TMEM175: variants seen among roughly 807,000 people sequenced by gnomAD.
TMEM175 encodes the protein transmembrane protein 175, also known as endosomal/lysosomal proton channel TMEM175.
Under a neutral mutation model 36.5 loss-of-function variants are expected in TMEM175, and 36 were observed. That is an observed-to-expected ratio of 0.99 (90% CI 0.76 to 1.30). The LOEUF (loss-of-function observed/expected upper bound fraction) is 1.30. TMEM175 is among the 50% of genes most tolerant of loss of function. TMEM175 has a pLI of 0.00. For missense variants in TMEM175, 705 were observed against 692.8 expected, an observed-to-expected ratio of 1.02 and a Z score of -0.20; for synonymous variants, 339 against 313.4, an observed-to-expected ratio of 1.08 and a Z score of -0.86.
At chr4:938,072 C>T (rs1036597085) in intron 1 of TMEM175, among the ~76,000 whole-genome samples, 21 of 151,900 alleles carry the variant, frequency 1.4e-4, no homozygotes, top group Admixed American at 7.9e-4. Flanking sequence ...GAAAAACCTG[C>T]AGCTAGCATC....
chr4:948,417 A>T, intron 3 of TMEM175: 1 of 1,516,838 alleles, frequency 6.6e-7, no homozygotes. Context: ...TCAGTGGACA[A>T]AGGCAGCACC....
intron 1 of TMEM175, among the ~76,000 whole-genome samples, chr4:943,109 T>C (rs1313783990): frequency 6.6e-6 from 1 of 152,138 alleles, no homozygotes; most frequent in Non-Finnish European, 1.5e-5. Context: ...AAGCAAAGAT[T>C]CTAAGACACT....
In TMEM175 at chr4:958,582, C is replaced by A; in HGVS notation, c.*86C>A. On this transcript the variant is annotated 3_prime_UTR_variant, in exon 11 of 11. Transcript: ENST00000264771. Reference sequence around the variant, plus strand: ...TGGGCAGGGGAAGCCAAGTCACGGGCAGGCCGCAGTGGTTCTTGCGTGGCC... The same window carrying A: ...TGGGCAGGGGAAGCCAAGTCACGGGAAGGCCGCAGTGGTTCTTGCGTGGCC... 1 of 1,162,348 alleles carries A rather than the reference C, an allele frequency of 8.6e-7. No individual in the cohort carries two copies. Among genetic ancestry groups the A allele is most frequent in the Non-Finnish European group, 1.2e-6 (1 of 850,736 alleles). 72.0% of individuals were successfully genotyped at this position (1,162,348 alleles called of 1,614,324 possible). A position where few individuals can be genotyped will look rare whatever the true frequency, so the allele number is the denominator to read the frequency against.
chr4:956,365 C>T (rs1375751863), intron 10 of TMEM175: 1 of 1,291,124 alleles, frequency 7.7e-7, no homozygotes, highest in East Asian at 5.5e-5. Context: ...AGCGTCTGCT[C>T]CTCCGCGGCC....
chr4:937,829 A>G (rs1200578622), intron 1 of TMEM175, among the ~76,000 whole-genome samples: 1 of 152,230 alleles, frequency 6.6e-6, no homozygotes, highest in Non-Finnish European at 1.5e-5. Flanking sequence ...TATATACAGA[A>G]AGGATAGTAC....
At chr4:948,961 A>G (rs1398313928) in intron 3 of TMEM175, among the ~76,000 whole-genome samples, 1 of 152,130 alleles carries the variant, frequency 6.6e-6, no homozygotes, top group African/African-American at 2.4e-5. Context: ...ATAAGTAGAA[A>G]TGCGGGTGGA....
At chr4:949,742 C>T (rs1426085175) in intron 3 of TMEM175, among the ~76,000 whole-genome samples, 3 of 152,068 alleles carry the variant, frequency 2.0e-5, no homozygotes, top group African/African-American at 4.8e-5. Flanking sequence ...GGTGCCTCCA[C>T]GCCCACCGCG....
intron 1 of TMEM175, among the ~76,000 whole-genome samples, chr4:946,929 G>A (rs1350603426): frequency 1.5e-5 from 2 of 131,884 alleles, no homozygotes; most frequent in Non-Finnish European, 3.2e-5. Context: ...GTGCACAGGC[G>A]CCGAGACCGA....
intron 1 of TMEM175, among the ~76,000 whole-genome samples, chr4:943,754 C>T (rs1274696788): frequency 1.3e-5 from 2 of 152,202 alleles, no homozygotes; most frequent in Non-Finnish European, 2.9e-5. Context: ...AACATGTTTA[C>T]ACAAATGCCT....
chr4:954,307 A>G (rs1729342679), intron 8 of TMEM175, among the ~76,000 whole-genome samples: 1 of 152,180 alleles, frequency 6.6e-6, no homozygotes, highest in Admixed American at 6.5e-5. Context: ...TGGATAAGGA[A>G]TCTATACAAA....
rs116447761 is a variant in TMEM175, at chr4:954,978, G to C, written c.628-427G>C. On this transcript the variant is annotated intron_variant, in intron 8 of 10. Transcript: ENST00000264771. ...TTTTGAGTTGTAAGAATTTCAGATAGGGAGATAGACGATAAATTTTAAGAC... is the reference window on the plus strand; with the variant it reads ...TTTTGAGTTGTAAGAATTTCAGATACGGAGATAGACGATAAATTTTAAGAC... Among the ~76,000 whole-genome samples, 1,255 of 152,250 alleles carry C rather than the reference G, an allele frequency of 8.2e-3. 15 individuals are homozygous for C. The highest frequency in any genetic ancestry group is 0.028 in the African/African-American group (1,180 of 41,540).
intron 1 of TMEM175, among the ~76,000 whole-genome samples, chr4:933,774 G>A (rs2152994923): frequency 6.6e-6 from 1 of 152,300 alleles, no homozygotes; most frequent in East Asian, 1.9e-4. Context: ...CGTCCCAGAA[G>A]CTAACATCTG....
At chr4:937,343 C>T (rs1446869352) in intron 1 of TMEM175, among the ~76,000 whole-genome samples, 3 of 152,116 alleles carry the variant, frequency 2.0e-5, no homozygotes, top group Non-Finnish European at 2.9e-5. Context: ...GCAGGTGGAT[C>T]ACCTGAGGTC....
At position 958,394 on chromosome 4, in the gene TMEM175, C is replaced by T. The variant is rs541630556; in HGVS notation, c.1413C>T (p.Ala471=). ...LLRLLVGLAL[A]TLRVLRGLAR... ...GCCTGCTCGTGGGCCTGGCCCTGGCCACCCTGCGGGTCCTGCGGGGCCTCG... is the reference window on the plus strand; with the variant it reads ...GCCTGCTCGTGGGCCTGGCCCTGGCTACCCTGCGGGTCCTGCGGGGCCTCG... The change falls in exon 11 of 11, where the codon GCC becomes GCT. Residue 471 remains alanine, a synonymous_variant. Coordinates refer to ENST00000264771, the MANE Select transcript of TMEM175 (RefSeq NM_032326.4). 1.1e-4 allele frequency: 179 copies of T among 1,601,538 alleles called. 3 individuals carry two copies. In the Admixed American group the frequency reaches 3.0e-3, roughly 26 times the overall value.
At chr4:944,929 CT>C (rs1727942830) in intron 1 of TMEM175, among the ~76,000 whole-genome samples, 1 of 152,072 alleles carries the variant, frequency 6.6e-6, no homozygotes, top group Non-Finnish European at 1.5e-5. Flanking sequence ...GATGAAACCC[CT>C]GTCTCTATGA....
intron 1 of TMEM175, among the ~76,000 whole-genome samples, chr4:939,513 C>T (rs1009753902): frequency 1.2e-4 from 18 of 152,010 alleles, no homozygotes; most frequent in Admixed American, 1.2e-3. Flanking sequence ...GTCAGGAGTT[C>T]GAGACCAGCC....
Position 948,198 on chromosome 4 carries a change from A to G in TMEM175, c.192+44A>G. On this transcript the variant is annotated intron_variant, in intron 3 of 10. Coordinates refer to ENST00000264771, the MANE Select transcript of TMEM175 (RefSeq NM_032326.4). ...CTCTGCGTGGTGTGGCCCTGCGAAG[A>G]TATAGGGTCCCCGAGGCTCGACCTG... The G allele has an allele frequency of 1.9e-6, 3 of 1,613,954 alleles. No individual in the cohort carries two copies. The South Asian group carries it at 3.3e-5, about 18-fold the overall frequency.
chr4:955,601 G>A (rs1729513974), intron 9 of TMEM175, 118 bp downstream of exon 9: 4 of 1,429,936 alleles, frequency 2.8e-6, no homozygotes, highest in African/African-American at 1.4e-5. Context: ...GGTGGCTGGG[G>A]CTCCCCCACT....
intron 1 of TMEM175, among the ~76,000 whole-genome samples, chr4:944,909 TG>T (rs139892903): frequency 0.034 from 5,169 of 152,254 alleles, 176 homozygotes; most frequent in East Asian, 0.16. Flanking sequence ...AAGACCAGCC[TG>T]GGCAACATGA....
Sources: gnomAD v4.1 joint callset for allele counts (sites outside exome capture counted in the v4.1 genomes callset) on GRCh38, gnomAD v4.1.1 for gene constraint, MANE v1.5 for transcripts, NCBI Gene and HGNC (gene_info 2026-07-23, HGNC 2026-07-21) for gene names.